Variants in SLC43A2 observed in about 807,000 individuals in gnomAD.
The protein encoded by SLC43A2 is large neutral amino acids transporter small subunit 4.
Under a neutral mutation model 63.2 loss-of-function variants are expected in SLC43A2, and 38 were observed. That is an observed-to-expected ratio of 0.60 (90% CI 0.46 to 0.79). The LOEUF (loss-of-function observed/expected upper bound fraction) is 0.79. Ranked by LOEUF, SLC43A2 falls within the 30% of genes least tolerant of loss-of-function variation. SLC43A2 has a pLI of 0.00. For synonymous variants in SLC43A2, 322 were observed against 331.0 expected, an observed-to-expected ratio of 0.97 and a Z score of 0.30; for missense variants, 644 against 756.2, an observed-to-expected ratio of 0.85 and a Z score of 1.74.
intron 8 of SLC43A2, 126 bp from the exon 9 acceptor site, chr17:1,591,074 G>T (rs1904724916): frequency 3.9e-6 from 5 of 1,271,044 alleles, no homozygotes; most frequent in Non-Finnish European, 5.4e-6. Context: ...AGGGTAACGG[G>T]GTTGGCGCTG....
chr17:1,601,697 T>C (rs1321213203), intron 5 of SLC43A2, among the ~76,000 whole-genome samples: 59 of 107,264 alleles, frequency 5.5e-4, no homozygotes, highest in South Asian at 1.7e-3. Context: ...GAGTCCTGCA[T>C]TGAGACTACC....
intron 10 of SLC43A2, chr17:1,585,528 G>T: frequency 1.9e-6 from 1 of 513,570 alleles, no homozygotes; most frequent in South Asian, 1.9e-5. Flanking sequence ...TTATAGGCAT[G>T]AACCACCCTC....
intron 5 of SLC43A2, among the ~76,000 whole-genome samples, chr17:1,603,739 C>T (rs1227612076): frequency 2.0e-5 from 3 of 152,052 alleles, no homozygotes; most frequent in African/African-American, 4.8e-5. Flanking sequence ...GAGTTGAGAT[C>T]GCGCCATTGC....
At chr17:1,608,031 T>G (rs1030542998) in intron 5 of SLC43A2, among the ~76,000 whole-genome samples, 1 of 152,030 alleles carries the variant, frequency 6.6e-6, no homozygotes, top group Non-Finnish European at 1.5e-5. Flanking sequence ...AGTAGACCTT[T>G]TGGGCTTTAC....
At chr17:1,615,712 A>G (rs9709111) in intron 3 of SLC43A2, among the ~76,000 whole-genome samples, 145,773 of 146,576 alleles carry the variant, frequency 0.99, 72,498 homozygotes, top group Non-Finnish European at 1. Context: ...GCGTGGTGGC[A>G]GGCGCCTGTG....
chr17:1,584,433 C>G (rs2076069914), intron 10 of SLC43A2, among the ~76,000 whole-genome samples: 1 of 152,124 alleles, frequency 6.6e-6, no homozygotes, highest in African/African-American at 2.4e-5. Context: ...TGCTGGGAGT[C>G]TTCACTGAGA....
At chr17:1,585,389 G>A (rs757856469) in intron 10 of SLC43A2, 81 of 376,996 alleles carry the variant, frequency 2.1e-4, no homozygotes, top group East Asian at 3.6e-4. Flanking sequence ...TTACAGGCGC[G>A]CGCCGCCACC....
chr17:1,591,482 G>A lies in SLC43A2; in HGVS notation c.729-11C>T, dbSNP rs200106044. On this transcript the variant is annotated splice_polypyrimidine_tract_variant and intron_variant, in intron 7 of 13. Coordinates refer to ENST00000301335, the MANE Select transcript of SLC43A2 (RefSeq NM_152346.3). Reference sequence around the variant, plus strand: ...AACTTGATCTTCACCCTGGGGCCCCGGGAGAGTGTCTGTGGGTGCTGCCCG... The same window carrying A: ...AACTTGATCTTCACCCTGGGGCCCCAGGAGAGTGTCTGTGGGTGCTGCCCG... 2.7e-5 allele frequency: 43 copies of A among 1,612,682 alleles called. No individual in the cohort carries two copies. The highest frequency in any genetic ancestry group is 2.0e-4 in the Admixed American group (12 of 60,010).
In SLC43A2 at chr17:1,591,419, G is replaced by C; in HGVS notation, c.781C>G (p.Gln261Glu). The change falls in exon 8 of 14, where the codon CAG becomes GAG. Residue 261 changes from glutamine (Q) to glutamate (E), a missense_variant. Physicochemically the swap from Gln to Glu is conservative, Grantham distance 29 (BLOSUM62 2). Transcript: ENST00000301335. ...LGFDHKITGK[Q>E]FYKQVTTVGR... ...ACCGTGGTCACCTGCTTGTAGAACTGCTTCCCTGTGATCTTGTGGTCAAAG... is the reference window on the plus strand; with the variant it reads ...ACCGTGGTCACCTGCTTGTAGAACTCCTTCCCTGTGATCTTGTGGTCAAAG... The C allele has an allele frequency of 6.2e-7, 1 of 1,613,208 alleles. No individual in the cohort carries two copies. The highest frequency in any genetic ancestry group is 8.5e-7 in the Non-Finnish European group (1 of 1,179,946).
chr17:1,627,779 G>C lies in SLC43A2; in HGVS notation c.96C>G (p.Gly32=), dbSNP rs753746697. The part of the protein sequence containing the change: ...ENLLFSAVLL[G]WGSLLIMLKS... ...TGAGCATGATGAGCAGCGAGCCCCA[G>C]CCCAGGAGGACTGCCGAGAAGAGGA... The change falls in exon 2 of 14, where the codon GGC becomes GGG. Residue 32 remains glycine (G), a synonymous_variant. Transcript: ENST00000301335. 3 of 1,599,202 alleles carry C rather than the reference G, an allele frequency of 1.9e-6. No individual in the cohort carries two copies. The South Asian group carries it at 3.4e-5, about 18-fold the overall frequency.
In SLC43A2 at chr17:1,585,909, G is replaced by A. The variant is rs368456228; in HGVS notation, c.1217+4C>T. 13 of 1,613,710 alleles carry A rather than the reference G, an allele frequency of 8.1e-6. No homozygotes were observed. Among genetic ancestry groups the A allele is most frequent in the Middle Eastern group, 1.7e-4 (1 of 6,052 alleles). ...GAGCCGGGGCACCGGCCCTGCCTAC[G>A]CACTGGTTGGCGTCTTTCTCCTCGG... On this transcript the variant is annotated splice_donor_region_variant and intron_variant, in intron 10 of 13. Transcript: ENST00000301335.
chr17:1,627,570 C>G, intron 2 of SLC43A2, 145 bp downstream of exon 2: 1 of 784,304 alleles, frequency 1.3e-6, no homozygotes, highest in Non-Finnish European at 1.9e-6. Context: ...CCCGGCAGGG[C>G]TGGGTGAGGA....
intron 9 of SLC43A2, chr17:1,586,935 C>CCCCCCCCG: frequency 6.6e-7 from 1 of 1,509,134 alleles, no homozygotes; most frequent in Non-Finnish European, 8.9e-7. Flanking sequence ...CAATCCCCCC[C>CCCCCCCCG]ACCCCCCGCT....
chr17:1,572,927 C>G lies in SLC43A2; in HGVS notation c.*2677G>C, dbSNP rs2075868014. 2.0e-5 allele frequency: 3 copies of G among 152,218 alleles called. No homozygotes were observed. Among genetic ancestry groups the G allele is most frequent in the African/African-American group, 7.2e-5 (3 of 41,428 alleles). 9.4% of individuals were successfully genotyped at this position (152,218 alleles called of 1,614,324 possible). ...GTGACTCACGCCTGTAATCTCAGCA[C>G]TTTGGGAGGCTGAGGTGGGAGAATT... On this transcript the variant is annotated 3_prime_UTR_variant, in exon 14 of 14. Transcript: ENST00000301335.
In SLC43A2 at chr17:1,572,412, C is replaced by G. The variant is rs2075860093; in HGVS notation, c.*3192G>C. 1 of 152,406 alleles carries G rather than the reference C, an allele frequency of 6.6e-6. No homozygotes were observed. The highest frequency in any genetic ancestry group is 2.4e-5 in the African/African-American group (1 of 41,470). The allele number at this position is 152,406 out of a possible 1,614,324, so 9.4% of individuals were successfully genotyped here. On this transcript the variant is annotated 3_prime_UTR_variant, in exon 14 of 14. Coordinates refer to ENST00000301335, the MANE Select transcript of SLC43A2 (RefSeq NM_152346.3). ...TAAGACCCATATATGAGTGCTGGCT[C>G]TGACCTTGAACAAGCTCCTCCATCG... is the stretch of plus-strand genomic sequence containing the variant.
intron 5 of SLC43A2, among the ~76,000 whole-genome samples, chr17:1,594,162 T>C (rs1905066205): frequency 6.6e-6 from 1 of 152,176 alleles, no homozygotes; most frequent in Non-Finnish European, 1.5e-5. Flanking sequence ...CAGGGGATTA[T>C]CTTCCCACAG....
At chr17:1,599,961 G>A (rs868017986) in intron 5 of SLC43A2, among the ~76,000 whole-genome samples, 18 of 141,320 alleles carry the variant, frequency 1.3e-4, no homozygotes, top group South Asian at 4.6e-4. Flanking sequence ...GGAGAATGGC[G>A]TGAACCTGGG....
chr17:1,575,885 A>C (rs2075919990), intron 13 of SLC43A2, 120 bp from the exon 14 acceptor site: 1 of 1,171,056 alleles, frequency 8.5e-7, no homozygotes, highest in Non-Finnish European at 1.2e-6. Context: ...GGAACGAAAC[A>C]GGAAGGCCCA....
chr17:1,617,724 C>G (rs564210757), intron 2 of SLC43A2, among the ~76,000 whole-genome samples: 1 of 152,300 alleles, frequency 6.6e-6, no homozygotes, highest in South Asian at 2.1e-4. Flanking sequence ...TTGCCGGGGT[C>G]ACAGTGGTGC....
Sources: gnomAD v4.1 joint callset for allele counts (sites outside exome capture counted in the v4.1 genomes callset) on GRCh38, gnomAD v4.1.1 for gene constraint, MANE v1.5 for transcripts, NCBI Gene and HGNC (gene_info 2026-07-23, HGNC 2026-07-21) for gene names.